ALOX12: variants seen among roughly 807,000 people sequenced by gnomAD.
ALOX12 encodes the protein arachidonate 12-lipoxygenase, 12S type.
In ALOX12, 62 loss-of-function variants were observed where a neutral mutation model predicts 85.5. The observed-to-expected ratio is 0.73, with a 90% CI of 0.59 to 0.90. The LOEUF (loss-of-function observed/expected upper bound fraction) is 0.90, where lower values mean the gene tolerates loss of function less well. ALOX12 is among the 40% of genes least tolerant of loss of function. ALOX12 has a pLI of 0.00. For missense variants in ALOX12, 751 were observed against 856.5 expected (o/e 0.88, Z 1.54); for synonymous variants, 299 against 332.7 (o/e 0.90, Z 1.10).
intron 8 of ALOX12, chr17:7,002,235 GTCAGC>G (rs1908746838): frequency 1.2e-5 from 4 of 331,698 alleles, no homozygotes; most frequent in Non-Finnish European, 1.8e-5. Context: ...CAATTGAGGA[GTCAGC>G]TAAGTAGAAA....
chr17:7,010,005 C>T lies in ALOX12; in HGVS notation c.1691C>T (p.Pro564Leu). The change falls in exon 13 of 14, where the codon CCC becomes CTC. Residue 564 changes from proline (P) to leucine (L), a missense_variant. Physicochemically the swap from Pro to Leu is moderately conservative, Grantham distance 98. Coordinates refer to ENST00000251535, the MANE Select transcript of ALOX12 (RefSeq NM_000697.3). Reference protein sequence around the residue: ...VPNAPCTMRMPPPTTKEDVTM... With the variant: ...VPNAPCTMRMLPPTTKEDVTM... ...AATGCTCCATGCACAATGCGGATGC[C>T]CCCACCCACCACCAAGGAAGATGTG... is the stretch of plus-strand genomic sequence containing the variant. The T allele has an allele frequency of 6.2e-7, 1 of 1,614,190 alleles. No individual in the cohort carries two copies. Among genetic ancestry groups the T allele is most frequent in the Non-Finnish European group, 8.5e-7 (1 of 1,180,034 alleles).
intron 7 of ALOX12, chr17:7,001,347 C>T (rs1253211019): frequency 1.9e-6 from 1 of 531,700 alleles, no homozygotes; most frequent in Non-Finnish European, 3.4e-6. Context: ...GAGCGCCGAC[C>T]CCAAAGCAGC....
intron 11 of ALOX12, among the ~76,000 whole-genome samples, chr17:7,009,190 C>G (rs570274353): frequency 4.6e-5 from 7 of 151,772 alleles, no homozygotes; most frequent in Admixed American, 2.6e-4. Flanking sequence ...CTCCCGAGTA[C>G]CTGGGACTAC....
In ALOX12 at chr17:7,001,712, G is replaced by A; in HGVS notation, c.1062G>A (p.Leu354=). The A allele has an allele frequency of 3.1e-6, 5 of 1,614,036 alleles. No homozygotes were observed. The highest frequency in any genetic ancestry group is 4.2e-6 in the Non-Finnish European group (5 of 1,179,984). ...KSWVRNSDFQ[L]HEIQYHLLNT... is the part of the protein sequence containing the mutation. ...GGGTCCGAAATTCAGATTTCCAACT[G>A]CACGAGATCCAGTATCACTTGCTGA... Residue 354 remains leucine (L), a synonymous_variant, in exon 8 of 14, where the codon CTG becomes CTA. Transcript: ENST00000251535.
At chr17:7,009,698 C>T in intron 11 of ALOX12, 49 bp from the exon 12 acceptor site, 1 of 1,482,508 alleles carries the variant, frequency 6.7e-7, no homozygotes, top group Non-Finnish European at 9.4e-7. Context: ...AGCCTTTGTT[C>T]CTCTCCTCTT....
In ALOX12 at chr17:7,000,551, C is replaced by T. The variant is rs1908661892; in HGVS notation, c.951+72C>T. On this transcript the variant is annotated intron_variant, in intron 7 of 13. Transcript: ENST00000251535. This position sits in a 1 kb window ranked among gnomAD's most constrained non-coding sequence, Gnocchi z 4.6. ...AACCTCTGCTCCCAGGGACCCAACC[C>T]CCAGCTCTTGGCTCCCAAACCCCAT... The T allele has an allele frequency of 6.4e-7, 1 of 1,559,638 alleles. No individual in the cohort carries two copies. Among genetic ancestry groups the T allele is most frequent in the East Asian group, 2.3e-5 (1 of 44,136 alleles).
intron 11 of ALOX12, among the ~76,000 whole-genome samples, chr17:7,009,330 A>T (rs528192734): frequency 6.6e-6 from 1 of 152,246 alleles, no homozygotes; most frequent in East Asian, 1.9e-4. Context: ...AAGTGCTGGG[A>T]CTACAGGCGT....
rs1908568818 is a variant in ALOX12, at chr17:6,998,766, G to A, written c.471G>A (p.Lys157=). The A allele has an allele frequency of 1.2e-6, 2 of 1,614,046 alleles. No individual in the cohort carries two copies. Among genetic ancestry groups the A allele is most frequent in the South Asian group, 1.1e-5 (1 of 91,086 alleles). ...CCCTGACCATCGCTGCAGACCGTAA[G>A]GATGATCTACCTCCAAATATGAGAT... The part of the protein sequence containing the change: ...GLPLTIAADR[K]DDLPPNMRFH... Residue 157 remains lysine, a synonymous_variant, in exon 4 of 14, where the codon AAG becomes AAA. Transcript: ENST00000251535.
chr17:7,005,002 A>C (rs1372847530), intron 8 of ALOX12, among the ~76,000 whole-genome samples: 2 of 151,986 alleles, frequency 1.3e-5, no homozygotes, highest in Non-Finnish European at 2.9e-5. Flanking sequence ...AAGAGATTGC[A>C]GATTAAAAGG....
intron 11 of ALOX12, chr17:7,009,513 T>C: frequency 2.0e-6 from 1 of 500,758 alleles, no homozygotes; most frequent in Non-Finnish European, 3.6e-6. Context: ...ATTTATAATG[T>C]AGGTATCGTC....
chr17:6,999,003 A>T lies in ALOX12; in HGVS notation c.593A>T (p.Asn198Ile). Residue 198 changes from asparagine to isoleucine, a missense_variant, in exon 5 of 14, where the codon AAC (asparagine) becomes ATC (isoleucine). Asn to Ile is a moderately radical substitution (Grantham distance 149). Coordinates refer to ENST00000251535, the MANE Select transcript of ALOX12 (RefSeq NM_000697.3). ...GTTTACACCCTCCTGAGCTCCTGGA[A>T]CTGCCTAGAAGACTTTGATCAGATC... ...KRVYTLLSSW[N>I]CLEDFDQIFW... The T allele has an allele frequency of 1.9e-6, 3 of 1,614,116 alleles. No individual in the cohort carries two copies. Among genetic ancestry groups the T allele is most frequent in the Non-Finnish European group, 2.5e-6 (3 of 1,180,032 alleles).
Position 7,010,356 on chromosome 17 carries a change from A to G in ALOX12, c.1925A>G (p.Asn642Ser). 6.2e-7 allele frequency: 1 copy of G among 1,614,242 alleles called. No homozygotes were observed. The highest frequency in any genetic ancestry group is 8.5e-7 in the Non-Finnish European group (1 of 1,180,044). The change falls in exon 14 of 14, where the codon AAT becomes AGT. Residue 642 changes from asparagine (N) to serine (S), a missense_variant. By Grantham distance (46) the Asn-to-Ser change is conservative (BLOSUM62 1). Transcript: ENST00000251535. ...CTGGAAAAGGAGATTACAGCCCGGAATGAGCAACTTGACTGGCCCTATGAA... is the reference window on the plus strand; with the variant it reads ...CTGGAAAAGGAGATTACAGCCCGGAGTGAGCAACTTGACTGGCCCTATGAA... The part of the protein sequence containing the change: ...EKLEKEITAR[N>S]EQLDWPYEYL...
At chr17:7,002,644 G>T (rs763610726) in intron 8 of ALOX12, 7 of 372,928 alleles carry the variant, frequency 1.9e-5, no homozygotes, top group Non-Finnish European at 2.6e-5. Context: ...AAGAAAGAAA[G>T]AAATACTGTA....
rs771764304 is a variant in ALOX12, at chr17:7,000,428, C to A, written c.900C>A (p.Leu300=). 6.2e-7 allele frequency: 1 copy of A among 1,614,084 alleles called. No homozygotes were observed. The highest frequency in any genetic ancestry group is 8.5e-7 in the Non-Finnish European group (1 of 1,180,004). The change falls in exon 7 of 14, where the codon CTC becomes CTA. Residue 300 remains leucine, a synonymous_variant. Coordinates refer to ENST00000251535, the MANE Select transcript of ALOX12 (RefSeq NM_000697.3). This position sits in a 1 kb window ranked among gnomAD's most constrained non-coding sequence, Gnocchi z 4.6. The part of the protein sequence containing the change: ...RGEKQYLAAP[L]VMLKMEPNGK... ...AGAAGCAATACCTGGCTGCCCCCCT[C>A]GTTATGCTGAAGATGGAGCCCAATG... is the stretch of plus-strand genomic sequence containing the variant.
At chr17:7,010,150 G>A (rs1736339513) in intron 13 of ALOX12, 24 bp downstream of exon 13, 2 of 1,601,956 alleles carry the variant, frequency 1.2e-6, no homozygotes, top group African/African-American at 1.3e-5. Flanking sequence ...CTCGGGAGAG[G>A]GAAATGACAG....
rs944092411 is a variant in ALOX12, at chr17:6,996,079, A to G, written c.-39A>G. 1.6e-6 allele frequency: 2 copies of G among 1,241,784 alleles called. No individual in the cohort carries two copies. Among genetic ancestry groups the G allele is most frequent in the Non-Finnish European group, 1.0e-6 (1 of 987,222 alleles). 76.9% of individuals were successfully genotyped at this position (1,241,784 alleles called of 1,614,324 possible). On this transcript the variant is annotated 5_prime_UTR_variant, in exon 1 of 14. Transcript: ENST00000251535. The stretch of plus-strand genomic sequence containing the variant: ...CCCTGGGCGGTCCCGGGAATCGCAC[A>G]GGACCCGGCTCCCCTCGCCTAAGCT...
chr17:6,999,053 G>A lies in ALOX12; in HGVS notation c.643G>A (p.Ala215Thr), dbSNP rs761601142. The A allele has an allele frequency of 6.2e-7, 1 of 1,613,414 alleles. No individual in the cohort carries two copies. Among genetic ancestry groups the A allele is most frequent in the African/African-American group, 1.3e-5 (1 of 74,886 alleles). The change falls in exon 5 of 14, where the codon GCT becomes ACT. Residue 215 changes from alanine (A) to threonine (T), a missense_variant. Coordinates refer to ENST00000251535, the MANE Select transcript of ALOX12 (RefSeq NM_000697.3). ...QIFWGQKSAL[A>T]EKVRQCWQDD... is the part of the protein sequence containing the mutation. ...CTTCTGGGGCCAGAAGAGTGCCCTG[G>A]CTGGTCAGTGGTTCCCCGAGGTCTC...
Position 7,000,256 on chromosome 17 carries a change from C to T in ALOX12, c.808-80C>T. The T allele has an allele frequency of 6.6e-7, 1 of 1,520,280 alleles. No individual in the cohort carries two copies. The highest frequency in any genetic ancestry group is 1.2e-5 in the South Asian group (1 of 83,934). 94.2% of individuals were successfully genotyped at this position (1,520,280 alleles called of 1,614,324 possible). A position where few individuals can be genotyped will look rare whatever the true frequency, so the allele number is the denominator to read the frequency against. On this transcript the variant is annotated intron_variant, in intron 6 of 13. Transcript: ENST00000251535. The surrounding 1 kb of genome is among the most constrained non-coding windows in gnomAD (Gnocchi z 4.6). ...TGCAGGAGAATGGCAAGAAGCTAGA[C>T]TAAATCTCTTGCCCTTTGCCCCGGC... is the stretch of plus-strand genomic sequence containing the variant.
At chr17:7,005,616 G>A (rs895489472) in intron 9 of ALOX12, among the ~76,000 whole-genome samples, 5 of 151,684 alleles carry the variant, frequency 3.3e-5, no homozygotes, top group Non-Finnish European at 5.9e-5. Flanking sequence ...GAGTAGCTGG[G>A]ATTACAGGCG....
Sources: gnomAD v4.1 joint callset for allele counts (sites outside exome capture counted in the v4.1 genomes callset) on GRCh38, gnomAD v4.1.1 for gene constraint, Gnocchi (gnomAD v3.1) non-coding constraint, MANE v1.5 for transcripts, NCBI Gene and HGNC (gene_info 2026-07-23, HGNC 2026-07-21) for gene names.